The following GUCY1A2 variants were observed in gnomAD, a reference collection of about 807,000 sequenced individuals.
The protein encoded by GUCY1A2 is guanylate cyclase soluble subunit alpha-2.
A neutral mutation model predicts 63.5 loss-of-function variants in GUCY1A2; 27 were observed. The ratio of observed to expected loss-of-function variants is 0.43; its 90% CI spans 0.31 to 0.59. The LOEUF is 0.59. Ranked by LOEUF, GUCY1A2 falls within the 20% of genes least tolerant of loss-of-function variation. The pLI is 0.11. For synonymous variants in GUCY1A2, 364 were observed against 343.5 expected (o/e 1.06, Z -0.66); for missense variants, 768 against 913.3 (o/e 0.84, Z 2.05).
intron 4 of GUCY1A2, among the ~76,000 whole-genome samples, chr11:106,839,664 G>A (rs1591297609): frequency 6.6e-6 from 1 of 151,828 alleles, no homozygotes. Context: ...ATACACCATG[G>A]AATACTATGC....
intron 7 of GUCY1A2, among the ~76,000 whole-genome samples, chr11:106,693,186 A>T (rs1862656372): frequency 6.6e-6 from 1 of 152,362 alleles, no homozygotes; most frequent in East Asian, 1.9e-4. Context: ...AGAGGGGTAG[A>T]AAAGATATGA....
intron 4 of GUCY1A2, among the ~76,000 whole-genome samples, chr11:106,896,158 G>A (rs966273994): frequency 6.6e-6 from 1 of 151,758 alleles, no homozygotes; most frequent in African/African-American, 2.4e-5. Context: ...TGCAAGTCTA[G>A]TTTAATATTT....
At chr11:106,803,696 TA>T (rs1858641900) in intron 5 of GUCY1A2, among the ~76,000 whole-genome samples, 1 of 152,204 alleles carries the variant, frequency 6.6e-6, no homozygotes, top group South Asian at 2.1e-4. Context: ...TATAAAGTGA[TA>T]AAATTAGTCT....
chr11:106,967,147 G>A (rs1331187999), intron 3 of GUCY1A2, among the ~76,000 whole-genome samples: 1 of 152,088 alleles, frequency 6.6e-6, no homozygotes, highest in African/African-American at 2.4e-5. Context: ...CAAGAGTCAG[G>A]ATCATTTGTC....
chr11:106,933,161 C>G (rs1860627103), intron 4 of GUCY1A2, among the ~76,000 whole-genome samples: 1 of 151,968 alleles, frequency 6.6e-6, no homozygotes, highest in African/African-American at 2.4e-5. Context: ...AGTAAATGAA[C>G]AGAGTAAACA....
chr11:107,003,876 G>A (rs1160286327), intron 1 of GUCY1A2, among the ~76,000 whole-genome samples: 2 of 152,140 alleles, frequency 1.3e-5, no homozygotes, highest in African/African-American at 2.4e-5. Flanking sequence ...AACCATGAAA[G>A]GGTAGAGAAG....
chr11:106,996,294 G>T (rs953637607), intron 1 of GUCY1A2, among the ~76,000 whole-genome samples: 1 of 152,120 alleles, frequency 6.6e-6, no homozygotes, highest in Non-Finnish European at 1.5e-5. Flanking sequence ...ATCTAATACT[G>T]TTTAGGAGCA....
intron 6 of GUCY1A2, among the ~76,000 whole-genome samples, chr11:106,744,512 T>C (rs1321000101): frequency 2.0e-5 from 3 of 152,206 alleles, no homozygotes; most frequent in Admixed American, 2.0e-4. Context: ...ACTTTTATCT[T>C]GTACAAGCTT....
intron 6 of GUCY1A2, among the ~76,000 whole-genome samples, chr11:106,721,710 C>A (rs957251041): frequency 6.6e-6 from 1 of 152,088 alleles, no homozygotes; most frequent in Non-Finnish European, 1.5e-5. Flanking sequence ...ATTATGAAAA[C>A]GAAATCAACC....
intron 6 of GUCY1A2, among the ~76,000 whole-genome samples, chr11:106,715,385 G>T (rs4533009): frequency 0.63 from 95,290 of 151,992 alleles, 30,898 homozygotes; most frequent in African/African-American, 0.79. Context: ...AATGAAAACA[G>T]TACATTAGTG....
intron 4 of GUCY1A2, among the ~76,000 whole-genome samples, chr11:106,891,942 T>A (rs1859980586): frequency 6.6e-6 from 1 of 152,100 alleles, no homozygotes; most frequent in South Asian, 2.1e-4. Flanking sequence ...TGCAGCTGAA[T>A]TTTTATTGGG....
intron 6 of GUCY1A2, among the ~76,000 whole-genome samples, chr11:106,743,769 A>T (rs1863737613): frequency 6.6e-6 from 1 of 152,234 alleles, no homozygotes; most frequent in Non-Finnish European, 1.5e-5. Context: ...TATTTGCATA[A>T]TATAGAATGT....
rs1169924166 is a variant in GUCY1A2, at chr11:106,680,605, T to C, written c.*6944A>G. On this transcript the variant is annotated 3_prime_UTR_variant, in exon 8 of 8. Coordinates refer to ENST00000526355, the MANE Select transcript of GUCY1A2 (RefSeq NM_000855.3). ...CAAATTAAATATTTTCCATTATTTA[T>C]TTAACCCAAAACCATTCTTACTAAG... 5.1e-6 allele frequency: 1 copy of C among 196,912 alleles called. No homozygotes were observed. The highest frequency in any genetic ancestry group is 6.1e-5 in the Admixed American group (1 of 16,488). 12.2% of individuals were successfully genotyped at this position (196,912 alleles called of 1,614,324 possible).
chr11:106,787,872 C>A (rs1054543911), intron 5 of GUCY1A2, among the ~76,000 whole-genome samples: 1 of 152,038 alleles, frequency 6.6e-6, no homozygotes, highest in African/African-American at 2.4e-5. Context: ...CTTCCATATA[C>A]TTACTTCCCT....
At chr11:106,887,414 C>T (rs1859914792) in intron 4 of GUCY1A2, among the ~76,000 whole-genome samples, 1 of 152,160 alleles carries the variant, frequency 6.6e-6, no homozygotes, top group Admixed American at 6.5e-5. Flanking sequence ...CCTTTCTCCA[C>T]TTACATGGCC....
rs1862376166 is a variant in GUCY1A2, at chr11:106,678,137, C to T, written c.*9412G>A. On this transcript the variant is annotated 3_prime_UTR_variant, in exon 8 of 8. Coordinates refer to ENST00000526355, the MANE Select transcript of GUCY1A2 (RefSeq NM_000855.3). ...TTAAAGAATTTTTCTAAAAGTCCCC[C>T]TGAATTACTTTAGATAATTATACAG... The T allele has an allele frequency of 5.1e-6, 1 of 197,386 alleles. No homozygotes were observed. Among genetic ancestry groups the T allele is most frequent in the East Asian group, 7.9e-5 (1 of 12,660 alleles). The allele number at this position is 197,386 out of a possible 1,614,324, so 12.2% of individuals were successfully genotyped here. A position where few individuals can be genotyped will look rare whatever the true frequency, so the allele number is the denominator to read the frequency against.
At chr11:106,883,775 A>G (rs1859859562) in intron 4 of GUCY1A2, among the ~76,000 whole-genome samples, 1 of 152,152 alleles carries the variant, frequency 6.6e-6, no homozygotes, top group South Asian at 2.1e-4. Flanking sequence ...CCTCTTGAGC[A>G]ATGTACGTCA....
chr11:106,987,652 C>A (rs1379372068), intron 1 of GUCY1A2, among the ~76,000 whole-genome samples: 458 of 108,438 alleles, frequency 4.2e-3, no homozygotes, highest in East Asian at 5.8e-3. Flanking sequence ...GACTCTGCCT[C>A]AAAAAAAAAA....
chr11:106,845,910 A>G (rs1859264247), intron 4 of GUCY1A2, among the ~76,000 whole-genome samples: 1 of 151,702 alleles, frequency 6.6e-6, no homozygotes, highest in Non-Finnish European at 1.5e-5. Flanking sequence ...AAAGATTTAC[A>G]GCCAACACCT....
Sources: gnomAD v4.1 joint callset for allele counts (sites outside exome capture counted in the v4.1 genomes callset) on GRCh38, gnomAD v4.1.1 for gene constraint, MANE v1.5 for transcripts, NCBI Gene and HGNC (gene_info 2026-07-23, HGNC 2026-07-21) for gene names.